Variants in VPS13D observed in about 807,000 individuals in gnomAD.
VPS13D encodes the protein vacuolar protein sorting 13 homolog D, also known as intermembrane lipid transfer protein VPS13D.
In VPS13D, 187 loss-of-function variants were observed where a neutral mutation model predicts 461.9. The observed-to-expected ratio is 0.40, with a 90% CI of 0.36 to 0.46. VPS13D has a LOEUF of 0.46. Among genes scored for constraint, VPS13D ranks in the 20% least tolerant of loss-of-function variants. VPS13D has a pLI of 0.60. For missense variants in VPS13D, 4,711 were observed against 5,364.9 expected (o/e 0.88, Z 3.81); for synonymous variants, 1,951 against 1,986.3 (o/e 0.98, Z 0.47).
intron 65 of VPS13D, among the ~76,000 whole-genome samples, chr1:12,427,408 A>T (rs1175516060): frequency 6.6e-6 from 1 of 151,910 alleles, no homozygotes; most frequent in Non-Finnish European, 1.5e-5. Flanking sequence ...CTCCTGGAAC[A>T]TTGCTGGACA....
Position 12,322,622 on chromosome 1 carries a change from T to A in VPS13D, c.7791T>A (p.Ala2597=), listed in dbSNP as rs1430934589. The A allele has an allele frequency of 6.2e-7, 1 of 1,614,222 alleles. No homozygotes were observed. Among genetic ancestry groups the A allele is most frequent in the Non-Finnish European group, 8.5e-7 (1 of 1,180,030 alleles). ...LAIAKSIPEQ[A]NAAVPDSVAL... is the part of the protein sequence containing the mutation. ...TTGCAAAATCCATCCCAGAGCAAGC[T>A]AATGCTGCAGTGCCAGACTCAGTGG... The change falls in exon 34 of 70, where the codon GCT becomes GCA. Residue 2597 remains alanine (A), a synonymous_variant. Coordinates refer to ENST00000620676, the MANE Select transcript of VPS13D (RefSeq NM_015378.4).
chr1:12,323,246 AC>A (rs1643086388), intron 34 of VPS13D, among the ~76,000 whole-genome samples: 1 of 147,386 alleles, frequency 6.8e-6, no homozygotes, highest in South Asian at 2.1e-4. Flanking sequence ...ACTAATTTTT[AC>A]CTTTTTTTTT....
At position 12,234,261 on chromosome 1, in the gene VPS13D, A is replaced by G. The variant is rs1280791700; in HGVS notation, c.-6A>G. The stretch of plus-strand genomic sequence containing the variant: ...TTTCTAAACACCTTTTCCTGAGGAT[A>G]TAGTCATGTTGGAAGGCCTTGTAGC... On this transcript the variant is annotated 5_prime_UTR_variant, in exon 2 of 70. It adds an upstream start codon to the 5' untranslated region. Coordinates refer to ENST00000620676, the MANE Select transcript of VPS13D (RefSeq NM_015378.4). The G allele has an allele frequency of 1.9e-6, 3 of 1,604,178 alleles. No homozygotes were observed. The highest frequency in any genetic ancestry group is 3.3e-5 in the Admixed American group (2 of 59,810).
intron 67 of VPS13D, 141 bp from the exon 68 acceptor site, chr1:12,497,359 C>A: frequency 2.1e-6 from 2 of 939,596 alleles, no homozygotes; most frequent in Non-Finnish European, 3.0e-6. Context: ...GGTGTATTCA[C>A]AGGCAGTACT....
Position 12,277,128 on chromosome 1 carries a change from A to G in VPS13D, c.3540A>G (p.Thr1180=). ...IHRLNLLLLR[T]VGMANREKYG... is the part of the protein sequence containing the mutation. ...GGCTGAACTTACTGCTTCTTCGGAC[A>G]GTGGGCATGGCAAATAGAGAGAAAT... Residue 1180 remains threonine (T), a synonymous_variant, in exon 19 of 70, where the codon ACA becomes ACG. Coordinates refer to ENST00000620676, the MANE Select transcript of VPS13D (RefSeq NM_015378.4). 1 of 1,614,238 alleles carries G rather than the reference A, an allele frequency of 6.2e-7. No individual in the cohort carries two copies. Among genetic ancestry groups the G allele is most frequent in the Non-Finnish European group, 8.5e-7 (1 of 1,180,048 alleles).
rs1163602434 is a variant in VPS13D, at chr1:12,502,615, A to G, written c.12795-4238A>G. 1.3e-5 allele frequency among the ~76,000 whole-genome samples: 2 copies of G among 151,340 alleles called. No homozygotes were observed. The highest frequency in any genetic ancestry group is 4.9e-5 in the African/African-American group (2 of 40,956). ...TTGAAATGACTCCAGAGGGAGTAGA[A>G]TCAGGTATATAAATGAGTTAATATC... On this transcript the variant is annotated intron_variant, in intron 68 of 69. Coordinates refer to ENST00000620676, the MANE Select transcript of VPS13D (RefSeq NM_015378.4). The surrounding 1 kb of genome is among the most constrained non-coding windows in gnomAD (Gnocchi z 4.3).
intron 68 of VPS13D, among the ~76,000 whole-genome samples, chr1:12,503,151 G>C (rs1004496735): frequency 6.6e-6 from 1 of 152,160 alleles, no homozygotes; most frequent in African/African-American, 2.4e-5. Context: ...GATGACATTA[G>C]TGATGGTGCA....
At chr1:12,371,352 C>T (rs930990510) in intron 54 of VPS13D, among the ~76,000 whole-genome samples, 3 of 150,140 alleles carry the variant, frequency 2.0e-5, no homozygotes, top group East Asian at 2.0e-4. Context: ...AATGTATCTG[C>T]GGTTTATACA....
intron 65 of VPS13D, among the ~76,000 whole-genome samples, chr1:12,427,694 C>T (rs1644940193): frequency 1.3e-5 from 2 of 152,100 alleles, no homozygotes; most frequent in East Asian, 1.9e-4. Flanking sequence ...GGGACTTCAG[C>T]GTCTGTGGAT....
At chr1:12,330,139 A>C (rs1247171863) in intron 37 of VPS13D, among the ~76,000 whole-genome samples, 1 of 152,102 alleles carries the variant, frequency 6.6e-6, no homozygotes, top group Non-Finnish European at 1.5e-5. Flanking sequence ...TTTTGGCTGG[A>C]CGTGGTGGCT....
At chr1:12,419,256 G>A (rs1468875639) in intron 65 of VPS13D, among the ~76,000 whole-genome samples, 2 of 152,156 alleles carry the variant, frequency 1.3e-5, no homozygotes, top group African/African-American at 4.8e-5. Flanking sequence ...TCTGGTATGG[G>A]AACTTCCCTT....
chr1:12,339,068 G>C (rs762973813), intron 40 of VPS13D, among the ~76,000 whole-genome samples: 2 of 151,980 alleles, frequency 1.3e-5, no homozygotes, highest in Non-Finnish European at 2.9e-5. Context: ...ATATAGAACA[G>C]GGATGTTAAT....
rs202111840 is a variant in VPS13D at position 12,369,447 on chromosome 1, C to A, written c.10573-20C>A. ...CACTCTGAATGAAAGTCCTCTTTGTCCTCTCTGCCATCACTCTAGGTCCCG... is the reference window on the plus strand; with the variant it reads ...CACTCTGAATGAAAGTCCTCTTTGTACTCTCTGCCATCACTCTAGGTCCCG... On this transcript the variant is annotated intron_variant, in intron 53 of 69. Coordinates refer to ENST00000620676, the MANE Select transcript of VPS13D (RefSeq NM_015378.4). The A allele has an allele frequency of 2.1e-5, 34 of 1,611,358 alleles. No individual in the cohort carries two copies. Among genetic ancestry groups the A allele is most frequent in the Non-Finnish European group, 2.9e-5 (34 of 1,177,860 alleles).
chr1:12,462,050 T>C (rs1376208153), intron 67 of VPS13D, among the ~76,000 whole-genome samples: 1 of 152,250 alleles, frequency 6.6e-6, no homozygotes, highest in African/African-American at 2.4e-5. Context: ...TGCCTGTCAG[T>C]AAATAGTGAT....
intron 62 of VPS13D, among the ~76,000 whole-genome samples, chr1:12,402,028 G>A (rs973887688): frequency 6.6e-6 from 1 of 152,186 alleles, no homozygotes; most frequent in Admixed American, 6.5e-5. Flanking sequence ...TGACAGAAAT[G>A]ATATTAGTCA....
intron 64 of VPS13D, 131 bp downstream of exon 64, chr1:12,415,352 G>T: frequency 1.7e-6 from 2 of 1,203,860 alleles, no homozygotes; most frequent in East Asian, 4.8e-5. Context: ...TGTGTTACGG[G>T]TCAGGTCACT....
chr1:12,490,183 GGCTCTAA>G (rs1408943656), intron 67 of VPS13D, among the ~76,000 whole-genome samples: 5 of 152,272 alleles, frequency 3.3e-5, no homozygotes, highest in South Asian at 4.1e-4. Context: ...CCATTTGCAG[GGCTCTAA>G]GTAGGCTCGT....
At chr1:12,438,834 T>C (rs1469255547) in intron 65 of VPS13D, among the ~76,000 whole-genome samples, 2 of 152,254 alleles carry the variant, frequency 1.3e-5, no homozygotes, top group Non-Finnish European at 2.9e-5. Flanking sequence ...GGCATAGCGC[T>C]AGCCACTTCA....
chr1:12,272,483 T>C (rs2101341588), intron 17 of VPS13D, among the ~76,000 whole-genome samples: 1 of 152,138 alleles, frequency 6.6e-6, no homozygotes. Flanking sequence ...AGGTTTCTTT[T>C]TGGTAATGTA....
Sources: gnomAD v4.1 joint callset for allele counts (sites outside exome capture counted in the v4.1 genomes callset) on GRCh38, gnomAD v4.1.1 for gene constraint, Gnocchi (gnomAD v3.1) non-coding constraint, MANE v1.5 for transcripts, NCBI Gene and HGNC (gene_info 2026-07-23, HGNC 2026-07-21) for gene names.